ZFYVE26: variants seen among roughly 807,000 people sequenced by gnomAD.
ZFYVE26 encodes zinc finger FYVE domain-containing protein 26.
Under a neutral mutation model 276.5 loss-of-function variants are expected in ZFYVE26, and 181 were observed. The ratio of observed to expected loss-of-function variants is 0.65; its 90% CI spans 0.58 to 0.74. The LOEUF (loss-of-function observed/expected upper bound fraction) is 0.74, where lower values mean the gene tolerates loss of function less well. Among genes scored for constraint, ZFYVE26 ranks in the 30% least tolerant of loss-of-function variants. ZFYVE26 has a pLI of 0.00. For synonymous variants in ZFYVE26, 1,129 were observed against 1,203.1 expected (o/e 0.94, Z 1.27); for missense variants, 2,821 against 3,097.9 (o/e 0.91, Z 2.12).
Position 67,752,498 on chromosome 14 carries a change from T to C in ZFYVE26, c.7217A>G (p.Tyr2406Cys). Residue 2406 changes from tyrosine to cysteine, a missense_variant, in exon 40 of 42, where the codon TAC becomes TGC. By Grantham distance (194) the Tyr-to-Cys change is radical. Transcript: ENST00000347230. ...CACCAACTGGCGGGCAGCTCTGCAG[T>C]AGGTCATGGCAGCATCCAGCTGGAA... ...QDFQLDAAMT[Y>C]CRAARQLVEK... 1 of 1,614,136 alleles carries C rather than the reference T, an allele frequency of 6.2e-7. No individual in the cohort carries two copies. The highest frequency in any genetic ancestry group is 8.5e-7 in the Non-Finnish European group (1 of 1,180,010).
At position 67,784,332 on chromosome 14, in the gene ZFYVE26, A is replaced by G; in HGVS notation, c.3626+2T>C. The G allele has an allele frequency of 1.9e-6, 3 of 1,613,746 alleles. No individual in the cohort carries two copies. Among genetic ancestry groups the G allele is most frequent in the South Asian group, 2.2e-5 (2 of 91,072 alleles). On this transcript the variant is annotated splice_donor_variant, in intron 20 of 41. Coordinates refer to ENST00000347230, the MANE Select transcript of ZFYVE26 (RefSeq NM_015346.4). LOFTEE classifies it high-confidence loss of function. The stretch of plus-strand genomic sequence containing the variant: ...GCTGACTTGCATGGAGGTGGCTCCT[A>G]CCTCTCTGGGGGAACTTGTCTCTCA...
At chr14:67,766,828 T>C (rs182310783) in intron 31 of ZFYVE26, among the ~76,000 whole-genome samples, 1 of 152,266 alleles carries the variant, frequency 6.6e-6, no homozygotes, top group African/African-American at 2.4e-5. Context: ...GCCTCCCAAG[T>C]AGTGGGGACC....
chr14:67,784,855 T>C lies in ZFYVE26; in HGVS notation c.3523+204A>G, dbSNP rs118067140. On this transcript the variant is annotated intron_variant, in intron 19 of 41. Transcript: ENST00000347230. ...GAGTCGCTAATTCCAAGAAAATTAA[T>C]TGAGTACTCCCATGTGCTATACAGC... Among the ~76,000 whole-genome samples the C allele has an allele frequency of 4.9e-4, 75 of 152,306 alleles. 3 individuals carry two copies. The East Asian group carries it at 0.014, about 29-fold the overall frequency.
chr14:67,751,669 G>A (rs1015522663), intron 40 of ZFYVE26: 1 of 177,096 alleles, frequency 5.6e-6, no homozygotes, highest in African/African-American at 2.4e-5. Flanking sequence ...GTCAGGAGAC[G>A]GAGACCATCC....
At chr14:67,731,276 A>G (rs925296922) in intron 13 of ZFYVE26, among the ~76,000 whole-genome samples, 3 of 130,214 alleles carry the variant, frequency 2.3e-5, no homozygotes, top group Admixed American at 9.7e-5. Flanking sequence ...GTGCAATGGC[A>G]TGATCTTGGC....
intron 2 of ZFYVE26, among the ~76,000 whole-genome samples, chr14:67,815,205 T>A (rs980447233): frequency 1.3e-5 from 2 of 152,188 alleles, no homozygotes; most frequent in African/African-American, 4.8e-5. Context: ...GAAGGCAGAT[T>A]AAGAAAATGC....
At chr14:67,811,055 C>G (rs1325454836) in intron 3 of ZFYVE26, among the ~76,000 whole-genome samples, 3 of 152,192 alleles carry the variant, frequency 2.0e-5, no homozygotes, top group Admixed American at 2.0e-4. Context: ...ATATGTGCAT[C>G]AAGGCCATGT....
In ZFYVE26 at chr14:67,780,246, C is replaced by T; in HGVS notation, c.4669G>A (p.Ala1557Thr). The T allele has an allele frequency of 6.2e-7, 1 of 1,613,780 alleles. No individual in the cohort carries two copies. Among genetic ancestry groups the T allele is most frequent in the East Asian group, 2.2e-5 (1 of 44,868 alleles). Residue 1557 changes from alanine (A) to threonine (T), a missense_variant, in exon 23 of 42, where the codon GCA becomes ACA. By Grantham distance (58) the Ala-to-Thr change is moderately conservative. Coordinates refer to ENST00000347230, the MANE Select transcript of ZFYVE26 (RefSeq NM_015346.4). ...ACCACCCAGGAAAACGGTACCTGTG[C>T]TTCTAGAATCATGTTCATGACAGTT... ...PSTVMNMILE[A>T]QEYELCEEWG...
chr14:67,759,364 C>A (rs938216164), intron 35 of ZFYVE26, among the ~76,000 whole-genome samples: 1 of 151,502 alleles, frequency 6.6e-6, no homozygotes. Flanking sequence ...CGGTGGCTCA[C>A]GCCTATAATC....
chr14:67,763,553 T>C (rs1041630328), intron 32 of ZFYVE26, among the ~76,000 whole-genome samples: 3 of 152,218 alleles, frequency 2.0e-5, no homozygotes, highest in South Asian at 2.1e-4. Context: ...CTAGGAACAA[T>C]AGATCATAAC....
chr14:67,762,995 T>A (rs2038973119), intron 32 of ZFYVE26, among the ~76,000 whole-genome samples, 176 bp from the exon 33 acceptor site: 1 of 152,222 alleles, frequency 6.6e-6, no homozygotes, highest in African/African-American at 2.4e-5. Context: ...CACCGCCTCC[T>A]GGGTTCAAAC....
At chr14:67,780,188 G>A (rs747254777) in intron 23 of ZFYVE26, 53 bp downstream of exon 23, 40 of 1,482,042 alleles carry the variant, frequency 2.7e-5, no homozygotes, top group Non-Finnish European at 3.3e-5. Context: ...CCAGCTAAGG[G>A]GTTGTAACTC....
Position 67,777,550 on chromosome 14 carries a change from T to C in ZFYVE26, c.4974+9A>G, listed in dbSNP as rs368073585. 3.2e-5 allele frequency: 52 copies of C among 1,613,258 alleles called. No homozygotes were observed. Among genetic ancestry groups the C allele is most frequent in the Non-Finnish European group, 4.1e-5 (48 of 1,179,850 alleles). On this transcript the variant is annotated intron_variant, in intron 25 of 41. Transcript: ENST00000347230. ...CATACAGCGCCTGGATTTCACGGTG[T>C]ATCCTTACCTTGGATCCCACATACA...
At chr14:67,802,678 CAG>C (rs2040102471) in intron 9 of ZFYVE26, among the ~76,000 whole-genome samples, 1 of 152,066 alleles carries the variant, frequency 6.6e-6, no homozygotes, top group African/African-American at 2.4e-5. Flanking sequence ...GTCCAGGGAT[CAG>C]ACTTAAAATA....
Position 67,776,058 on chromosome 14 carries a change from A to C in ZFYVE26, c.5023T>G (p.Ser1675Ala). Residue 1675 changes from serine to alanine, a missense_variant, in exon 26 of 42, where the codon TCC becomes GCC. Physicochemically the swap from Ser to Ala is moderately conservative, Grantham distance 99 (BLOSUM62 1). Transcript: ENST00000347230. ...TCCAGCATGAACAGGGGGTTAGAGG[A>C]CAAGTGGGAATAGCTGGCCCGGTGC... ...EQHRASYSHL[S>A]SNPLFMLEQL... is the part of the protein sequence containing the mutation. 1 of 1,614,218 alleles carries C rather than the reference A, an allele frequency of 6.2e-7. No individual in the cohort carries two copies. Among genetic ancestry groups the C allele is most frequent in the Non-Finnish European group, 8.5e-7 (1 of 1,180,032 alleles).
In ZFYVE26 at chr14:67,783,460, C is replaced by A. The variant is rs201845145; in HGVS notation, c.3692G>T (p.Cys1231Phe). 8 of 1,614,060 alleles carry A rather than the reference C, an allele frequency of 5.0e-6. No individual in the cohort carries two copies. In the Admixed American group the frequency reaches 8.3e-5, roughly 17 times the overall value. ...LSVPQVIVSC[C>F]CEPLALCSSR... The stretch of plus-strand genomic sequence containing the variant: ...TGAGCAAAGAGCAAGGGGCTCACAG[C>A]AGCAGCTGACGATGACCTGTGGCAC... Residue 1231 changes from cysteine (C) to phenylalanine (F), a missense_variant, in exon 21 of 42, where the codon TGC becomes TTC. Physicochemically the swap from Cys to Phe is radical, Grantham distance 205. Coordinates refer to ENST00000347230, the MANE Select transcript of ZFYVE26 (RefSeq NM_015346.4).
chr14:67,778,290 G>T (rs753424290), intron 23 of ZFYVE26, 42 bp from the exon 24 acceptor site: 1 of 1,613,590 alleles, frequency 6.2e-7, no homozygotes, highest in Non-Finnish European at 8.5e-7. Flanking sequence ...TTACATGACT[G>T]CCTGATTCTT....
chr14:67,783,612 C>A, intron 20 of ZFYVE26, 87 bp from the exon 21 acceptor site: 3 of 1,541,892 alleles, frequency 1.9e-6, no homozygotes, highest in Non-Finnish European at 2.6e-6. Flanking sequence ...CTTACATGAG[C>A]AAATGTAAAT....
intron 3 of ZFYVE26, among the ~76,000 whole-genome samples, chr14:67,811,225 A>T (rs1343032915): frequency 6.6e-6 from 1 of 152,220 alleles, no homozygotes; most frequent in African/African-American, 2.4e-5. Context: ...TTAGAATCCT[A>T]AAGACTGAGT....
Sources: gnomAD v4.1 joint callset for allele counts (sites outside exome capture counted in the v4.1 genomes callset) on GRCh38, gnomAD v4.1.1 for gene constraint, MANE v1.5 for transcripts, NCBI Gene and HGNC (gene_info 2026-07-23, HGNC 2026-07-21) for gene names.